The following AGAP1 variants were observed in gnomAD, a reference collection of about 807,000 sequenced individuals.
The protein encoded by AGAP1 is ArfGAP with GTPase domain, ankyrin repeat and PH domain 1, also known as arf-GAP with GTPase, ANK repeat and PH domain-containing protein 1.
In AGAP1, 29 loss-of-function variants were observed where a neutral mutation model predicts 105.3. That is an observed-to-expected ratio of 0.28 (90% CI 0.21 to 0.38). AGAP1 has a LOEUF of 0.38. Among genes scored for constraint, AGAP1 ranks in the 10% least tolerant of loss-of-function variants. The probability of loss-of-function intolerance (pLI) is 1.00; values close to 1 mark genes in which losing one functional copy is unlikely to be tolerated. For missense variants in AGAP1, 998 were observed against 1,165.1 expected (o/e 0.86, Z 2.09); for synonymous variants, 509 against 485.9 (o/e 1.05, Z -0.63).
Position 235,751,741 on chromosome 2 carries a change from A to G in AGAP1, c.673+1253A>G, listed in dbSNP as rs1953459651. 6.6e-6 allele frequency among the ~76,000 whole-genome samples: 1 copy of G among 152,130 alleles called. No homozygotes were observed. The highest frequency in any genetic ancestry group is 2.4e-5 in the African/African-American group (1 of 41,424). On this transcript the variant is annotated intron_variant, in intron 6 of 17. Transcript: ENST00000304032. This position sits in a 1 kb window ranked among gnomAD's most constrained non-coding sequence, Gnocchi z 5.3. ...CTTCCCGCGCATCTCTGCCTCTCAG[A>G]TACTTACCTGTTTTTCAGCACGTTG...
rs978279944 is a variant in AGAP1, at chr2:235,905,539, G to A, written c.1156-3199G>A. Among the ~76,000 whole-genome samples the A allele has an allele frequency of 2.0e-5, 3 of 151,880 alleles. No homozygotes were observed. Among genetic ancestry groups the A allele is most frequent in the East Asian group, 1.9e-4 (1 of 5,172 alleles). On this transcript the variant is annotated intron_variant, in intron 10 of 17. Transcript: ENST00000304032. This position sits in a 1 kb window ranked among gnomAD's most constrained non-coding sequence, Gnocchi z 4.2. ...TTTGAGACAGAGTTTCCCTCTTGTC[G>A]CTTAGGCTGGAGTGCAATGGCATGA...
chr2:235,683,107 G>A (rs1949176912), intron 1 of AGAP1, among the ~76,000 whole-genome samples: 1 of 152,104 alleles, frequency 6.6e-6, no homozygotes, highest in Non-Finnish European at 1.5e-5. Context: ...AGGAGTTCGA[G>A]ACCACCTGGT....
At chr2:235,497,857 A>T (rs550852088) in intron 1 of AGAP1, among the ~76,000 whole-genome samples, 1 of 152,176 alleles carries the variant, frequency 6.6e-6, no homozygotes, top group African/African-American at 2.4e-5. Context: ...TGGCCTCCCA[A>T]AGTGCTGGGA....
rs2057510758 is a variant in AGAP1 at position 236,040,399 on chromosome 2, A to C, written c.1801-352A>C. Among the ~76,000 whole-genome samples, 1 of 152,142 alleles carries C rather than the reference A, an allele frequency of 6.6e-6. No individual in the cohort carries two copies. The highest frequency in any genetic ancestry group is 1.5e-5 in the Non-Finnish European group (1 of 68,034). ...TATTTCTTTCTCATTCTTCTTACCAAGTAGACATGTGGCTACTGCCCAGAA... is the reference window on the plus strand; with the variant it reads ...TATTTCTTTCTCATTCTTCTTACCACGTAGACATGTGGCTACTGCCCAGAA... On this transcript the variant is annotated intron_variant, in intron 14 of 17. Transcript: ENST00000304032. This position sits in a 1 kb window ranked among gnomAD's most constrained non-coding sequence, Gnocchi z 5.6.
intron 6 of AGAP1, among the ~76,000 whole-genome samples, chr2:235,762,292 A>G (rs6715112): frequency 0.28 from 42,513 of 151,942 alleles, 6,259 homozygotes; most frequent in Admixed American, 0.41. Context: ...CTTTAACCTC[A>G]GAAAGGGTGG....
At chr2:235,602,385 GC>G (rs1197329954) in intron 1 of AGAP1, among the ~76,000 whole-genome samples, 1 of 152,064 alleles carries the variant, frequency 6.6e-6, no homozygotes, top group East Asian at 1.9e-4. Context: ...CTACTCCCTG[GC>G]CCGTGGCAGT....
intron 15 of AGAP1, among the ~76,000 whole-genome samples, chr2:236,041,247 A>G (rs543611796): frequency 1.7e-4 from 25 of 145,684 alleles, no homozygotes; most frequent in Admixed American, 8.9e-4. Flanking sequence ...CTTTTTGCTT[A>G]ATCAGTGATC....
At chr2:235,567,375 T>C (rs1373123812) in intron 1 of AGAP1, among the ~76,000 whole-genome samples, 2 of 152,240 alleles carry the variant, frequency 1.3e-5, no homozygotes, top group African/African-American at 4.8e-5. Context: ...CAAAGGGCCC[T>C]GCCCTCAGCT....
At position 235,530,069 on chromosome 2, in the gene AGAP1, T is replaced by C. The variant is rs192199196; in HGVS notation, c.163+35220T>C. On this transcript the variant is annotated intron_variant, in intron 1 of 17. Coordinates refer to ENST00000304032, the MANE Select transcript of AGAP1 (RefSeq NM_001037131.3). ...AGAGAAGGCACAGGACAGGCCACCA[T>C]CCATCCCCTGCTGTCCCAAAACTGA... Among the ~76,000 whole-genome samples the C allele has an allele frequency of 1.3e-4, 20 of 152,218 alleles. No individual in the cohort carries two copies. The East Asian group carries it at 3.9e-3, about 29-fold the overall frequency.
Position 236,090,154 on chromosome 2 carries a change from T to C in AGAP1, c.2115-30038T>C, listed in dbSNP as rs1050932896. 5.3e-5 allele frequency among the ~76,000 whole-genome samples: 8 copies of C among 152,180 alleles called. No individual in the cohort carries two copies. The South Asian group carries it at 1.4e-3, about 28-fold the overall frequency. On this transcript the variant is annotated intron_variant, in intron 16 of 17. Coordinates refer to ENST00000304032, the MANE Select transcript of AGAP1 (RefSeq NM_001037131.3). This position sits in a 1 kb window ranked among gnomAD's most constrained non-coding sequence, Gnocchi z 4.3. The stretch of plus-strand genomic sequence containing the variant: ...GAGACCGGCCGTGTCCTCACCCCTC[T>C]GTCACCATTGTGGGCTCCAGCTGCA...
At chr2:235,538,962 C>T (rs528495334) in intron 1 of AGAP1, among the ~76,000 whole-genome samples, 2 of 152,120 alleles carry the variant, frequency 1.3e-5, no homozygotes, top group East Asian at 3.9e-4. Flanking sequence ...GAAGGAAAAA[C>T]TCGGTCATGT....
intron 1 of AGAP1, among the ~76,000 whole-genome samples, chr2:235,564,003 C>T (rs1944256189): frequency 6.6e-6 from 1 of 152,102 alleles, no homozygotes; most frequent in Admixed American, 6.5e-5. Context: ...CCTGGAGCCT[C>T]TTTGTGGGAG....
intron 12 of AGAP1, among the ~76,000 whole-genome samples, chr2:235,941,777 A>G (rs1393349993): frequency 6.6e-6 from 1 of 152,132 alleles, no homozygotes; most frequent in African/African-American, 2.4e-5. Context: ...TGCTGCCAAG[A>G]ACTCAGTAGG....
chr2:235,682,576 C>G (rs570456130), intron 1 of AGAP1, among the ~76,000 whole-genome samples: 1 of 151,762 alleles, frequency 6.6e-6, no homozygotes, highest in South Asian at 2.1e-4. Flanking sequence ...AACTGCTGAC[C>G]TCAAATGATC....
chr2:235,774,415 C>A, intron 6 of AGAP1: 1 of 469,712 alleles, frequency 2.1e-6, no homozygotes, highest in South Asian at 1.6e-5. Context: ...TGAGTACTTC[C>A]CTTCCATCAC....
At chr2:235,807,907 T>C (rs909193347) in intron 9 of AGAP1, among the ~76,000 whole-genome samples, 7 of 152,320 alleles carry the variant, frequency 4.6e-5, no homozygotes, top group Non-Finnish European at 5.9e-5. Flanking sequence ...ACAGCTGTAA[T>C]GTGGGGCCTT....
intron 13 of AGAP1, among the ~76,000 whole-genome samples, chr2:235,975,326 A>G (rs1017594581): frequency 6.6e-6 from 1 of 152,196 alleles, no homozygotes; most frequent in South Asian, 2.1e-4. Context: ...AGAATCGTGC[A>G]TGCATATCGT....
At chr2:235,998,653 A>G (rs1212768200) in intron 13 of AGAP1, among the ~76,000 whole-genome samples, 2 of 152,034 alleles carry the variant, frequency 1.3e-5, no homozygotes, top group Non-Finnish European at 2.9e-5. Flanking sequence ...GATGATGGTG[A>G]GAGGTGGTGG....
rs559715662 is a variant in AGAP1 at position 236,036,846 on chromosome 2, G to C, written c.1800+131G>C. On this transcript the variant is annotated intron_variant, in intron 14 of 17. Transcript: ENST00000304032. This position sits in a 1 kb window ranked among gnomAD's most constrained non-coding sequence, Gnocchi z 5.7. ...AGGACCTAGCTATTCTTTATGAGCA[G>C]AAAGCTCAATAACTAAAACGATCAG... The C allele has an allele frequency of 7.3e-7, 1 of 1,375,420 alleles. No homozygotes were observed. The highest frequency in any genetic ancestry group is 9.7e-7 in the Non-Finnish European group (1 of 1,031,566). The allele number at this position is 1,375,420 out of a possible 1,614,324, so 85.2% of individuals were successfully genotyped here. A position where few individuals can be genotyped will look rare whatever the true frequency, so the allele number is the denominator to read the frequency against.
Sources: gnomAD v4.1 joint callset for allele counts (sites outside exome capture counted in the v4.1 genomes callset) on GRCh38, gnomAD v4.1.1 for gene constraint, Gnocchi (gnomAD v3.1) non-coding constraint, MANE v1.5 for transcripts, NCBI Gene and HGNC (gene_info 2026-07-23, HGNC 2026-07-21) for gene names.